Variants in KIF4A observed in about 807,000 individuals in gnomAD.
KIF4A encodes the protein kinesin family member 4A, also known as chromosome-associated kinesin KIF4A.
In KIF4A, 7 loss-of-function variants were observed where a neutral mutation model predicts 105.9. The ratio of observed to expected loss-of-function variants is 0.07; its 90% CI spans 0.04 to 0.12. The LOEUF (loss-of-function observed/expected upper bound fraction) is 0.12, where lower values mean the gene tolerates loss of function less well. Among genes scored for constraint, KIF4A ranks in the 10% least tolerant of loss-of-function variants. The probability of loss-of-function intolerance (pLI) is 1.00; values close to 1 mark genes in which losing one functional copy is unlikely to be tolerated. For synonymous variants in KIF4A, 281 were observed against 331.3 expected (o/e 0.85, Z 1.65); for missense variants, 558 against 929.2 (o/e 0.60, Z 5.19).
chrX:70,383,002 C>T (rs1315501299), intron 18 of KIF4A, among the ~76,000 whole-genome samples: 2 of 109,967 alleles, frequency 1.8e-5, no homozygotes, highest in Non-Finnish European at 3.8e-5. Flanking sequence ...CTGACCAACA[C>T]GGAGAAACCC....
intron 23 of KIF4A, 30 bp from the exon 24 acceptor site, chrX:70,403,834 A>G: frequency 8.6e-7 from 1 of 1,158,217 alleles, no homozygotes; most frequent in Admixed American, 2.5e-5. Flanking sequence ...TCATTCTTCA[A>G]ATAAACTGAT....
At chrX:70,356,548 G>A (rs1366358289) in intron 15 of KIF4A, among the ~76,000 whole-genome samples, 2 of 112,286 alleles carry the variant, frequency 1.8e-5, no homozygotes, top group African/African-American at 6.5e-5. Flanking sequence ...GGGTGACAGA[G>A]TGAGACCCTG....
chrX:70,365,397 A>G (rs2086097517), intron 15 of KIF4A, among the ~76,000 whole-genome samples: 1 of 111,651 alleles, frequency 9.0e-6, no homozygotes, highest in Non-Finnish European at 1.9e-5. Flanking sequence ...GATAGTTCTT[A>G]TTATTTTGAG....
chrX:70,404,941 TG>T (rs1244333779), intron 25 of KIF4A, 119 bp downstream of exon 25: 9 of 473,238 alleles, frequency 1.9e-5, no homozygotes, highest in African/African-American at 1.7e-4. Context: ...GTATTTATAA[TG>T]GTAGCCTCTA....
intron 15 of KIF4A, among the ~76,000 whole-genome samples, chrX:70,358,330 C>G (rs1422036904): frequency 9.0e-6 from 1 of 111,296 alleles, no homozygotes. Context: ...TACATTTTCT[C>G]TGTTTTCTCT....
rs187241126 is a variant in KIF4A, at chrX:70,294,770, C to T, written c.236-2228C>T. Among the ~76,000 whole-genome samples the T allele has an allele frequency of 9.2e-4, 103 of 112,554 alleles. 1 individual carries two copies. The East Asian group carries it at 0.022, about 24-fold the overall frequency. Reference sequence around the variant, plus strand: ...AGCTTCAATCCAAACTTTGAATTTACGGGATAAAACGAAAATGCCCGCTGG... The same window carrying T: ...AGCTTCAATCCAAACTTTGAATTTATGGGATAAAACGAAAATGCCCGCTGG... On this transcript the variant is annotated intron_variant, in intron 3 of 30. Coordinates refer to ENST00000374403, the MANE Select transcript of KIF4A (RefSeq NM_012310.5).
chrX:70,351,943 T>C (rs753038576), intron 13 of KIF4A, among the ~76,000 whole-genome samples: 24 of 110,370 alleles, frequency 2.2e-4, no homozygotes, highest in Admixed American at 6.8e-4. Flanking sequence ...GTATTTTTAG[T>C]AGAGACGGGG....
intron 24 of KIF4A, 79 bp downstream of exon 24, chrX:70,404,113 A>G (rs747843994): frequency 3.7e-6 from 4 of 1,094,681 alleles, no homozygotes; most frequent in Non-Finnish European, 5.0e-6. Context: ...AAAAGTGGGG[A>G]TATGAAATTT....
chrX:70,408,896 A>G (rs1425151756), intron 28 of KIF4A, among the ~76,000 whole-genome samples: 1 of 111,368 alleles, frequency 9.0e-6, no homozygotes, highest in East Asian at 2.8e-4. Flanking sequence ...ACAGAGTTTC[A>G]CTCTTGTTGC....
rs1410677752 is a variant in KIF4A, at chrX:70,420,578, C to G, written c.*313C>G. The stretch of plus-strand genomic sequence containing the variant: ...GTTTCTTATTTGTGAGCAGTTCAGG[C>G]TATCTCCTGATGGGGATGAGGCCAA... On this transcript the variant is annotated 3_prime_UTR_variant, in exon 31 of 31. Transcript: ENST00000374403. 1 of 216,150 alleles carries G rather than the reference C, an allele frequency of 4.6e-6. No individual in the cohort carries two copies. Among genetic ancestry groups the G allele is most frequent in the Non-Finnish European group, 8.8e-6 (1 of 114,270 alleles). 17.8% of individuals were successfully genotyped at this position (216,150 alleles called of 1,213,427 possible).
chrX:70,386,542 T>C, intron 18 of KIF4A, 76 bp from the exon 19 acceptor site: 1 of 754,587 alleles, frequency 1.3e-6, no homozygotes, highest in Non-Finnish European at 2.1e-6. Context: ...AAGGATGTCT[T>C]GAGAGACACC....
intron 22 of KIF4A, among the ~76,000 whole-genome samples, chrX:70,396,860 A>G (rs992165261): frequency 2.7e-5 from 3 of 110,432 alleles, no homozygotes; most frequent in Non-Finnish European, 5.7e-5. Flanking sequence ...GCCTGAGGCC[A>G]GGAGTTCAAG....
At position 70,374,204 on chromosome X, in the gene KIF4A, A is replaced by G. The variant is rs753288132; in HGVS notation, c.1728A>G (p.Glu576=). The G allele has an allele frequency of 1.1e-5, 13 of 1,202,478 alleles. No individual in the cohort carries two copies. The highest frequency in any genetic ancestry group is 2.2e-5 in the Admixed American group (1 of 45,493). The change falls in exon 16 of 31, where the codon GAA becomes GAG. Residue 576 remains glutamate, a synonymous_variant. Coordinates refer to ENST00000374403, the MANE Select transcript of KIF4A (RefSeq NM_012310.5). ...TCATCAATCTGCAAAAGGAAAAGGA[A>G]GAATTGGTTCTTGAACTTCAGACAG... ...LEVINLQKEK[E]ELVLELQTAK... is the part of the protein sequence containing the mutation.
chrX:70,294,358 A>G (rs997713124), intron 3 of KIF4A, among the ~76,000 whole-genome samples: 5 of 112,318 alleles, frequency 4.5e-5, no homozygotes, highest in Non-Finnish European at 9.4e-5. Flanking sequence ...AGTTAACTTT[A>G]TTTATCATAA....
rs1362723101 is a variant in KIF4A at position 70,291,862 on chromosome X, TATA to T, written c.235+1060_235+1062del. Among the ~76,000 whole-genome samples the T allele has an allele frequency of 3.6e-5, 4 of 111,717 alleles. No individual in the cohort carries two copies. The East Asian group carries it at 1.1e-3, about 31-fold the overall frequency. On this transcript the variant is annotated intron_variant, in intron 3 of 30. Coordinates refer to ENST00000374403, the MANE Select transcript of KIF4A (RefSeq NM_012310.5). Reference sequence around the variant, plus strand: ...AGTCTAATTATGTTATAAAGATCTTTATAATGAGATGAAATTTGCTTCCTGGTA... The same window carrying T: ...AGTCTAATTATGTTATAAAGATCTTTATGAGATGAAATTTGCTTCCTGGTA...
chrX:70,308,443 T>G (rs890695672), intron 7 of KIF4A, among the ~76,000 whole-genome samples: 3 of 112,395 alleles, frequency 2.7e-5, no homozygotes, highest in Admixed American at 1.9e-4. Flanking sequence ...CCAGTCCTAA[T>G]CCAGAGGTGA....
At chrX:70,365,736 A>G (rs1472175678) in intron 15 of KIF4A, among the ~76,000 whole-genome samples, 3 of 111,447 alleles carry the variant, frequency 2.7e-5, no homozygotes, top group African/African-American at 9.8e-5. Flanking sequence ...AGGCTTTGGT[A>G]TCAGGATGAT....
chrX:70,360,774 G>A (rs776976371), intron 15 of KIF4A, among the ~76,000 whole-genome samples: 1 of 112,962 alleles, frequency 8.9e-6, no homozygotes, highest in South Asian at 3.7e-4. Context: ...CCAACAGGCA[G>A]GAAAGGGCAC....
intron 20 of KIF4A, among the ~76,000 whole-genome samples, chrX:70,390,497 A>T (rs1392308060): frequency 7.2e-5 from 8 of 111,206 alleles, no homozygotes; most frequent in African/African-American, 2.6e-4. Context: ...TTTTATTACA[A>T]ATTGATGTTG....
Sources: gnomAD v4.1 joint callset for allele counts (sites outside exome capture counted in the v4.1 genomes callset) on GRCh38, gnomAD v4.1.1 for gene constraint, MANE v1.5 for transcripts, NCBI Gene and HGNC (gene_info 2026-07-23, HGNC 2026-07-21) for gene names.